TMEM44: variants seen among roughly 807,000 people sequenced by gnomAD.
The protein encoded by TMEM44 is transmembrane protein 44.
Under a neutral mutation model 47.8 loss-of-function variants are expected in TMEM44, and 43 were observed. The ratio of observed to expected loss-of-function variants is 0.90; its 90% confidence interval spans 0.70 to 1.16. The LOEUF (loss-of-function observed/expected upper bound fraction) is 1.16. TMEM44 is among the 50% of genes most tolerant of loss of function. The pLI is 0.00. For missense variants in TMEM44, 568 were observed against 555.2 expected, an observed-to-expected ratio of 1.02 and a Z score of -0.23; for synonymous variants, 277 against 238.8, an observed-to-expected ratio of 1.16 and a Z score of -1.48.
intron 5 of TMEM44, among the ~76,000 whole-genome samples, chr3:194,618,850 T>A (rs757295451): frequency 2.6e-5 from 4 of 152,338 alleles, no homozygotes; most frequent in Non-Finnish European, 5.9e-5. Flanking sequence ...CAGGCCTCCC[T>A]GTGTCTGGCC....
chr3:194,604,574 C>T, intron 8 of TMEM44, 129 bp from the exon 9 acceptor site: 1 of 1,222,046 alleles, frequency 8.2e-7, no homozygotes, highest in Non-Finnish European at 1.1e-6. Flanking sequence ...TCTACCTGTG[C>T]TCTCCTGCCC....
At chr3:194,614,356 A>C (rs528308995) in intron 7 of TMEM44, among the ~76,000 whole-genome samples, 2 of 152,316 alleles carry the variant, frequency 1.3e-5, no homozygotes, top group East Asian at 3.9e-4. Context: ...TTAAAGATGC[A>C]TGTGAAAGTG....
chr3:194,613,317 A>G (rs971005887), intron 7 of TMEM44, among the ~76,000 whole-genome samples: 3 of 151,624 alleles, frequency 2.0e-5, no homozygotes, highest in Non-Finnish European at 2.9e-5. Flanking sequence ...AGCTGGGATT[A>G]CAGGTGCCCG....
intron 8 of TMEM44, among the ~76,000 whole-genome samples, chr3:194,610,115 T>G (rs148080126): frequency 0.013 from 2,020 of 152,032 alleles, 39 homozygotes; most frequent in African/African-American, 0.045. Flanking sequence ...TAGTCTCAGT[T>G]TCTCTGGAGG....
chr3:194,609,999 CCAG>C (rs2109181747), intron 8 of TMEM44, among the ~76,000 whole-genome samples: 1 of 152,214 alleles, frequency 6.6e-6, no homozygotes, highest in Non-Finnish European at 1.5e-5. Flanking sequence ...GAGGCCGAGG[CCAG>C]CAGATCACGA....
intron 8 of TMEM44, among the ~76,000 whole-genome samples, chr3:194,607,019 T>A (rs895666185): frequency 6.6e-6 from 1 of 151,432 alleles, no homozygotes; most frequent in Non-Finnish European, 1.5e-5. Flanking sequence ...TAATAGTATC[T>A]CTCTGCTATG....
At chr3:194,610,814 T>A in intron 8 of TMEM44, 102 bp downstream of exon 8, 1 of 1,016,300 alleles carries the variant, frequency 9.8e-7, no homozygotes, top group Non-Finnish European at 1.5e-6. Flanking sequence ...TCTCTTGTTT[T>A]CTCCTGCTCA....
rs1356902085 is a variant in TMEM44 at position 194,611,793 on chromosome 3, A to G, written c.913-773T>C. Among the ~76,000 whole-genome samples, 1 of 152,046 alleles carries G rather than the reference A, an allele frequency of 6.6e-6. No homozygotes were observed. The highest frequency in any genetic ancestry group is 1.5e-5 in the Non-Finnish European group (1 of 68,014). ...TCCCAGCACTTTGGGAGGCCGAGGC[A>G]GGCCGATCACCTGAGGTTAGGAGTG... On this transcript the variant is annotated intron_variant, in intron 7 of 9. Coordinates refer to ENST00000347147, the MANE Select transcript of TMEM44 (RefSeq NM_001011655.3). The surrounding 1 kb of genome is among the most constrained non-coding windows in gnomAD (Gnocchi z 4.2).
chr3:194,601,223 A>G (rs1714071155), intron 9 of TMEM44, among the ~76,000 whole-genome samples: 1 of 150,748 alleles, frequency 6.6e-6, no homozygotes, highest in African/African-American at 2.4e-5. Context: ...GGCTCACTGC[A>G]ATCTCCGCCC....
At position 194,588,599 on chromosome 3, in the gene TMEM44, T is replaced by G. The variant is rs1157577100; in HGVS notation, c.1217A>C (p.Asn406Thr). 1 of 1,614,198 alleles carries G rather than the reference T, an allele frequency of 6.2e-7. No individual in the cohort carries two copies. Reference sequence around the variant, plus strand: ...CACCTGGGATCCCAGTAGCTCCACATTTTCTTTGCTGCCTTCGAGGTTCAC... The same window carrying G: ...CACCTGGGATCCCAGTAGCTCCACAGTTTCTTTGCTGCCTTCGAGGTTCAC... The part of the protein sequence containing the change: ...EDVNLEGSKE[N>T]VELLGSQVHQ... The change falls in exon 10 of 10, where the codon AAT becomes ACT. Residue 406 changes from asparagine to threonine, a missense_variant. Coordinates refer to ENST00000347147, the MANE Select transcript of TMEM44 (RefSeq NM_001011655.3).
In TMEM44 at chr3:194,621,011, C is replaced by T. The variant is rs538608381; in HGVS notation, c.612+2213G>A. On this transcript the variant is annotated intron_variant, in intron 5 of 9. Transcript: ENST00000347147. ...ATGCACTCCAGTCTGGGCAACAGAG[C>T]GAGACTCTGTCTCAAAAAAAAAAAA... 7.2e-5 allele frequency among the ~76,000 whole-genome samples: 10 copies of T among 138,208 alleles called. No individual in the cohort carries two copies. In the South Asian group the frequency reaches 1.8e-3, roughly 26 times the overall value. 90.7% of individuals were successfully genotyped at this position (138,208 alleles called of 152,430 possible). A position where few individuals can be genotyped will look rare whatever the true frequency, so the allele number is the denominator to read the frequency against.
At chr3:194,627,169 T>A (rs1014094081) in intron 2 of TMEM44, among the ~76,000 whole-genome samples, 2 of 152,216 alleles carry the variant, frequency 1.3e-5, no homozygotes, top group African/African-American at 4.8e-5. Flanking sequence ...AGTGCTGGGA[T>A]TGCAGGCATG....
intron 6 of TMEM44, 87 bp from the exon 7 acceptor site, chr3:194,615,784 C>G (rs1195958632): frequency 2.0e-6 from 3 of 1,527,478 alleles, no homozygotes; most frequent in South Asian, 1.2e-5. Flanking sequence ...CTGCCACCCC[C>G]CTCCCCACTC....
intron 5 of TMEM44, chr3:194,622,845 G>A (rs950260048): frequency 9.5e-5 from 15 of 158,074 alleles, no homozygotes; most frequent in East Asian, 3.9e-4. Flanking sequence ...CCCCGCGCCC[G>A]GCCTAAGACA....
intron 9 of TMEM44, among the ~76,000 whole-genome samples, chr3:194,603,488 C>T (rs1714393912): frequency 6.6e-6 from 1 of 152,150 alleles, no homozygotes; most frequent in South Asian, 2.1e-4. Flanking sequence ...ATTTCCACCT[C>T]CCGGGTTCAA....
At chr3:194,631,787 A>C (rs1333531991) in intron 1 of TMEM44, among the ~76,000 whole-genome samples, 1 of 152,130 alleles carries the variant, frequency 6.6e-6, no homozygotes, top group African/African-American at 2.4e-5. Context: ...CACCACTCCG[A>C]AGACACATTC....
In TMEM44 at chr3:194,604,390, G is replaced by A. The variant is rs554456254; in HGVS notation, c.1073C>T (p.Ala358Val). The A allele has an allele frequency of 2.9e-4, 454 of 1,547,100 alleles. 7 individuals are homozygous for A. In the South Asian group the frequency reaches 4.9e-3, roughly 17 times the overall value. ...GTACGACGGGGGGTCCTGCAGGGAC[G>A]CATCTCCGGCGCTCGTCTGCCCGTC... ...PGDGQTSAGD[A>V]SLQDPPSYPP... Residue 358 changes from alanine (A) to valine (V), a missense_variant, in exon 9 of 10, where the codon GCG becomes GTG. By Grantham distance (64) the Ala-to-Val change is moderately conservative (BLOSUM62 0). Transcript: ENST00000347147.
At chr3:194,616,881 C>T (rs558169861) in intron 6 of TMEM44, 10 of 584,142 alleles carry the variant, frequency 1.7e-5, no homozygotes, top group Admixed American at 1.0e-4. Flanking sequence ...GGCAACACAG[C>T]GAGACTCCAT....
chr3:194,594,117 T>TTCTATCTATCTATCTATCTA (rs370424904), intron 9 of TMEM44, among the ~76,000 whole-genome samples: 1 of 85,420 alleles, frequency 1.2e-5, no homozygotes, highest in Non-Finnish European at 3.2e-5. Context: ...TGGCCTAATT[T>TTCTATCTATCTATCTATCTA]TCTATCTATC....
Sources: allele counts gnomAD v4.1 joint callset (sites outside exome capture counted in the v4.1 genomes callset), GRCh38; gene constraint gnomAD v4.1.1; non-coding constraint Gnocchi (gnomAD v3.1); transcripts MANE v1.5; gene names NCBI Gene and HGNC (gene_info 2026-07-23, HGNC 2026-07-21).